LARP1: variants seen among roughly 807,000 people sequenced by gnomAD.
LARP1 encodes la-related protein 1.
LARP1 carries 36 observed loss-of-function variants against 122.7 expected under a neutral mutation model. The observed-to-expected ratio is 0.29, with a 90% CI of 0.22 to 0.39. The LOEUF (loss-of-function observed/expected upper bound fraction) is 0.39, where lower values mean the gene tolerates loss of function less well. Ranked by LOEUF, LARP1 falls within the 10% of genes least tolerant of loss-of-function variation. The pLI is 1.00. For missense variants in LARP1, 1,040 were observed against 1,403.6 expected, an observed-to-expected ratio of 0.74 and a Z score of 4.14; for synonymous variants, 539 against 528.7, an observed-to-expected ratio of 1.02 and a Z score of -0.27.
At chr5:154,791,757 A>G (rs1342657768) in intron 3 of LARP1, among the ~76,000 whole-genome samples, 1 of 152,186 alleles carries the variant, frequency 6.6e-6, no homozygotes, top group East Asian at 1.9e-4. Context: ...CCTTCCGTGT[A>G]TGCAGGTTTC....
chr5:154,754,763 G>A (rs1423169291), upstream of LARP1, among the ~76,000 whole-genome samples: 1 of 152,196 alleles, frequency 6.6e-6, no homozygotes, highest in Admixed American at 6.5e-5. Context: ...ACTGAGGTGC[G>A]GACGGCTCAC....
chr5:154,800,088 A>G, intron 10 of LARP1, 46 bp downstream of exon 10: 1 of 1,581,790 alleles, frequency 6.3e-7, no homozygotes, highest in Non-Finnish European at 8.6e-7. Context: ...ACTCTGAGCT[A>G]GGGTGCTTGA....
intron 10 of LARP1, 83 bp downstream of exon 10, chr5:154,800,125 C>A: frequency 7.7e-7 from 1 of 1,294,568 alleles, no homozygotes; most frequent in Non-Finnish European, 1.1e-6. Context: ...GCACAGCACT[C>A]TAGCTCTGAG....
chr5:154,689,851 C>T (rs10070709), intron 1 of LARP1, among the ~76,000 whole-genome samples: 100,616 of 151,386 alleles, frequency 0.66, 33,646 homozygotes, highest in Non-Finnish European at 0.7. Context: ...CCAAGGCGGG[C>T]GGATCACCTG....
At chr5:154,790,296 T>A in intron 1 of LARP1, 29 bp from the exon 2 acceptor site, 1 of 1,604,944 alleles carries the variant, frequency 6.2e-7, no homozygotes, top group South Asian at 1.1e-5. Flanking sequence ...GGGCTTTGCA[T>A]TACTAACTCT....
rs763263139 is a variant in LARP1 at position 154,811,510 on chromosome 5, C to A, written c.2954-3C>A. The A allele has an allele frequency of 6.2e-7, 1 of 1,614,256 alleles. No individual in the cohort carries two copies. On this transcript the variant is annotated splice_region_variant and splice_polypyrimidine_tract_variant and intron_variant, in intron 17 of 18. Coordinates refer to ENST00000518297, the MANE Select transcript of LARP1 (RefSeq NM_033551.3). ...CTCAGCTTTTCTGTACCTCTCCCTA[C>A]AGGCCAACTGTATGGGCTGGAGAAG... is the stretch of plus-strand genomic sequence containing the variant.
chr5:154,732,345 C>T (rs1164139502), intron 1 of LARP1, among the ~76,000 whole-genome samples: 1 of 152,106 alleles, frequency 6.6e-6, no homozygotes, highest in East Asian at 1.9e-4. Context: ...TTTGAGTGAG[C>T]TTATTTACCT....
chr5:154,771,691 T>C (rs1428737700), intron 1 of LARP1, among the ~76,000 whole-genome samples: 1 of 152,204 alleles, frequency 6.6e-6, no homozygotes, highest in African/African-American at 2.4e-5. Context: ...CAGGGTGGGC[T>C]CTGGGGACAT....
chr5:154,699,026 A>G (rs1332011128), intron 1 of LARP1, among the ~76,000 whole-genome samples: 4 of 152,228 alleles, frequency 2.6e-5, no homozygotes, highest in Middle Eastern at 3.2e-3. Flanking sequence ...GTGGGATTGC[A>G]GAGCGAGGGG....
intron 1 of LARP1, among the ~76,000 whole-genome samples, chr5:154,746,309 G>C (rs1387315194): frequency 1.3e-5 from 2 of 152,194 alleles, no homozygotes; most frequent in African/African-American, 4.8e-5. Flanking sequence ...TTGACTGAGC[G>C]ACGGTTCTTT....
At chr5:154,778,177 G>A (rs570846239) in intron 1 of LARP1, among the ~76,000 whole-genome samples, 6 of 151,002 alleles carry the variant, frequency 4.0e-5, no homozygotes, top group South Asian at 2.1e-4. Flanking sequence ...GGAGAATGGC[G>A]TGAACCCAGG....
Position 154,688,243 on chromosome 5 carries a change from G to T in LARP1, c.-180+5206G>T, listed in dbSNP as rs191971760. On this transcript the variant is annotated intron_variant, in intron 1 of 18. Transcript: ENST00000687700. Reference sequence around the variant, plus strand: ...GCAGTCTCATCCGGGGAGGGGGTGTGCTGTGCTGAGCACTCTATCCCTGAA... The same window carrying T: ...GCAGTCTCATCCGGGGAGGGGGTGTTCTGTGCTGAGCACTCTATCCCTGAA... Among the ~76,000 whole-genome samples the T allele has an allele frequency of 2.0e-4, 31 of 152,288 alleles. 1 individual carries two copies. Among genetic ancestry groups the T allele is most frequent in the Non-Finnish European group, 3.5e-4 (24 of 68,016 alleles).
At chr5:154,782,361 A>C (rs1390746113) in intron 1 of LARP1, among the ~76,000 whole-genome samples, 1 of 152,126 alleles carries the variant, frequency 6.6e-6, no homozygotes, top group Non-Finnish European at 1.5e-5. Context: ...AGCTGTGTTG[A>C]TTATTGATCA....
chr5:154,737,884 A>G (rs1757000953), intron 1 of LARP1, among the ~76,000 whole-genome samples: 1 of 151,182 alleles, frequency 6.6e-6, no homozygotes, highest in African/African-American at 2.4e-5. Context: ...ACCCCTCCTC[A>G]GCCCTCCCCT....
At chr5:154,728,362 T>G (rs530610133) in intron 1 of LARP1, among the ~76,000 whole-genome samples, 10 of 152,198 alleles carry the variant, frequency 6.6e-5, no homozygotes, top group Non-Finnish European at 1.0e-4. Flanking sequence ...AATCAAGAGA[T>G]AGAGTCCATT....
chr5:154,814,412 C>G lies in LARP1; in HGVS notation c.*316C>G, dbSNP rs1759529773. ...ATCAAGTTTTAAATTATTGATAGTT[C>G]ATCTGGATTACCAAAATCACTCTGC... On this transcript the variant is annotated 3_prime_UTR_variant, in exon 19 of 19. Transcript: ENST00000518297. 1 of 154,076 alleles carries G rather than the reference C, an allele frequency of 6.5e-6. No homozygotes were observed. Among genetic ancestry groups the G allele is most frequent in the African/African-American group, 2.4e-5 (1 of 41,326 alleles). The allele number at this position is 154,076 out of a possible 1,614,324, so 9.5% of individuals were successfully genotyped here. A position where few individuals can be genotyped will look rare whatever the true frequency, so the allele number is the denominator to read the frequency against.
chr5:154,804,861 A>C, intron 14 of LARP1: 1 of 456,252 alleles, frequency 2.2e-6, no homozygotes, highest in Non-Finnish European at 4.4e-6. Context: ...CTCCCTGCAG[A>C]GATGGCACAG....
chr5:154,724,697 ACTCT>A (rs1306605657), intron 1 of LARP1, among the ~76,000 whole-genome samples: 1 of 145,538 alleles, frequency 6.9e-6, no homozygotes, highest in Non-Finnish European at 1.5e-5. Flanking sequence ...ACAAGGTCTC[ACTCT>A]CTCACCCAGG....
chr5:154,707,537 C>T (rs2113276408), intron 1 of LARP1, among the ~76,000 whole-genome samples: 1 of 152,310 alleles, frequency 6.6e-6, no homozygotes, highest in South Asian at 2.1e-4. Flanking sequence ...AGACCACAGT[C>T]TGGGCACTAT....
Sources: allele counts gnomAD v4.1 joint callset (sites outside exome capture counted in the v4.1 genomes callset), GRCh38; gene constraint gnomAD v4.1.1; transcripts MANE v1.5; gene names NCBI Gene and HGNC (gene_info 2026-07-23, HGNC 2026-07-21).